Variants in CCNY observed in about 807,000 individuals in gnomAD.
CCNY encodes the protein cyclin-Y.
CCNY carries 19 observed loss-of-function variants against 42.8 expected under a neutral mutation model. That is an observed-to-expected ratio of 0.44 (90% CI 0.31 to 0.65). CCNY has a LOEUF of 0.65. Ranked by LOEUF, CCNY falls within the 30% of genes least tolerant of loss-of-function variation. The pLI is 0.07. For synonymous variants in CCNY, 165 were observed against 162.7 expected (o/e 1.01, Z -0.11); for missense variants, 370 against 437.3 (o/e 0.85, Z 1.37).
intron 3 of CCNY, among the ~76,000 whole-genome samples, chr10:35,263,905 C>G (rs2095722282): frequency 1.3e-5 from 2 of 152,272 alleles, no homozygotes; most frequent in African/African-American, 4.8e-5. Context: ...TCATTCAGCT[C>G]CCTCTTCTAA....
At chr10:35,430,844 C>T (rs987676570) in intron 1 of CCNY, among the ~76,000 whole-genome samples, 6 of 152,110 alleles carry the variant, frequency 3.9e-5, no homozygotes, top group African/African-American at 7.2e-5. Flanking sequence ...GGCGTGGTGG[C>T]TCATGCCTGT....
intron 1 of CCNY, among the ~76,000 whole-genome samples, chr10:35,366,542 T>A (rs1403563408): frequency 6.6e-6 from 1 of 152,254 alleles, no homozygotes; most frequent in Non-Finnish European, 1.5e-5. Context: ...GCTATCTGTA[T>A]TAACAGAGAT....
At chr10:35,409,959 T>A (rs1837867806) in intron 1 of CCNY, among the ~76,000 whole-genome samples, 1 of 152,136 alleles carries the variant, frequency 6.6e-6, no homozygotes, top group Non-Finnish European at 1.5e-5. Context: ...CCCAGGCTGA[T>A]CTTGAACTTC....
intron 1 of CCNY, among the ~76,000 whole-genome samples, chr10:35,358,119 C>T (rs773120309): frequency 6.6e-6 from 1 of 151,962 alleles, no homozygotes; most frequent in Admixed American, 6.6e-5. Flanking sequence ...TTTTTTGCCC[C>T]CCGCAAGAAG....
intron 3 of CCNY, among the ~76,000 whole-genome samples, chr10:35,279,261 A>G (rs1835273213): frequency 2.0e-5 from 3 of 151,966 alleles, no homozygotes; most frequent in South Asian, 4.2e-4. Flanking sequence ...AATCACAGGC[A>G]TGCACCACCA....
chr10:35,518,436 G>T (rs1420335617), intron 4 of CCNY, among the ~76,000 whole-genome samples: 1 of 151,916 alleles, frequency 6.6e-6, no homozygotes, highest in East Asian at 1.9e-4. Context: ...TATACTGTGG[G>T]TATCTGGATT....
chr10:35,566,411 C>G (rs1350734172), intron 9 of CCNY: 7 of 474,086 alleles, frequency 1.5e-5, no homozygotes, highest in African/African-American at 2.0e-5. Context: ...GTGGTGCGAT[C>G]TTGGCCCATT....
intron 1 of CCNY, among the ~76,000 whole-genome samples, chr10:35,426,107 A>ACG (rs139244726): frequency 1.4e-3 from 88 of 63,370 alleles, no homozygotes; most frequent in African/African-American, 6.6e-3. Flanking sequence ...CTGGTCCAGC[A>ACG]CGCGCACACA....
At chr10:35,469,582 A>C (rs573096069) in intron 1 of CCNY, among the ~76,000 whole-genome samples, 29 of 146,926 alleles carry the variant, frequency 2.0e-4, no homozygotes, top group Non-Finnish European at 1.5e-4. Flanking sequence ...ACAGACAGGG[A>C]GATGGAGAGA....
intron 3 of CCNY, among the ~76,000 whole-genome samples, chr10:35,290,965 T>A (rs1835406406): frequency 6.6e-6 from 1 of 152,160 alleles, no homozygotes; most frequent in African/African-American, 2.4e-5. Flanking sequence ...CTCTAGAGAT[T>A]TGATAATTCC....
At chr10:35,485,225 A>G (rs945551890) in intron 2 of CCNY, among the ~76,000 whole-genome samples, 1 of 152,192 alleles carries the variant, frequency 6.6e-6, no homozygotes, top group African/African-American at 2.4e-5. Context: ...TATCCCTGCC[A>G]TTCTGTGGAG....
intron 1 of CCNY, among the ~76,000 whole-genome samples, chr10:35,357,177 C>T (rs953221231): frequency 6.6e-6 from 1 of 151,032 alleles, no homozygotes; most frequent in Non-Finnish European, 1.5e-5. Flanking sequence ...CCTGCTCCTG[C>T]CCCTGCCCCT....
rs898689088 is a variant in CCNY at position 35,530,900 on chromosome 10, C to T, written c.579+657C>T. ...CAGTCTGGACAACATAGTGAAACCC[C>T]GACTCTACAAAATTTAAAAGTCAGC... On this transcript the variant is annotated intron_variant, in intron 7 of 9. Coordinates refer to ENST00000374704, the MANE Select transcript of CCNY (RefSeq NM_145012.6). The surrounding 1 kb of genome is among the most constrained non-coding windows in gnomAD (Gnocchi z 4.3). Among the ~76,000 whole-genome samples the T allele has an allele frequency of 5.9e-5, 9 of 152,124 alleles. No homozygotes were observed. The highest frequency in any genetic ancestry group is 1.9e-4 in the African/African-American group (8 of 41,504).
intron 3 of CCNY, among the ~76,000 whole-genome samples, chr10:35,285,473 G>T (rs895965243): frequency 7.9e-5 from 12 of 152,148 alleles, no homozygotes; most frequent in African/African-American, 2.9e-4. Flanking sequence ...CACCCAGACT[G>T]GAGTGTGGTG....
chr10:35,411,068 C>T (rs561924946), intron 1 of CCNY, among the ~76,000 whole-genome samples: 1 of 152,124 alleles, frequency 6.6e-6, no homozygotes, highest in Non-Finnish European at 1.5e-5. Context: ...AGTATTTTGT[C>T]AGAATACTCT....
At chr10:35,473,939 G>T (rs1839444485) in intron 1 of CCNY, among the ~76,000 whole-genome samples, 1 of 152,168 alleles carries the variant, frequency 6.6e-6, no homozygotes, top group Non-Finnish European at 1.5e-5. Context: ...GTGGGTGCGC[G>T]CACCATGCGC....
intron 1 of CCNY, among the ~76,000 whole-genome samples, chr10:35,465,938 A>AGAGAGAGAGAGAGAGAGAGGGG: frequency 1.2e-5 from 1 of 80,960 alleles, no homozygotes; most frequent in Non-Finnish European, 2.6e-5. Context: ...AGAGAGAGAG[A>AGAGAGAGAGAGAGAGAGAGGGG]GTGTGTGTGT....
chr10:35,283,593 TGG>T (rs1835321567), intron 3 of CCNY, among the ~76,000 whole-genome samples: 1 of 151,980 alleles, frequency 6.6e-6, no homozygotes, highest in Non-Finnish European at 1.5e-5. Context: ...TTAGTAGAGA[TGG>T]GGTTTCACTG....
At chr10:35,512,827 C>G (rs1368023021) in intron 3 of CCNY, among the ~76,000 whole-genome samples, 1 of 151,810 alleles carries the variant, frequency 6.6e-6, no homozygotes, top group Non-Finnish European at 1.5e-5. Context: ...GAGGAGGTGT[C>G]GCGGGTGGGA....
Sources: gnomAD v4.1 joint callset for allele counts (sites outside exome capture counted in the v4.1 genomes callset) on GRCh38, gnomAD v4.1.1 for gene constraint, Gnocchi (gnomAD v3.1) non-coding constraint, MANE v1.5 for transcripts, NCBI Gene and HGNC (gene_info 2026-07-23, HGNC 2026-07-21) for gene names.